The following TBCEL variants were observed in gnomAD, a reference collection of about 807,000 sequenced individuals.
TBCEL encodes the protein tubulin-specific chaperone cofactor E-like protein.
In TBCEL, 15 loss-of-function variants were observed where a neutral mutation model predicts 44.2. The observed-to-expected ratio is 0.34, with a 90% CI of 0.23 to 0.52. TBCEL has a LOEUF of 0.52. Among genes scored for constraint, TBCEL ranks in the 20% least tolerant of loss-of-function variants. TBCEL has a pLI of 0.95. For synonymous variants in TBCEL, 171 were observed against 185.4 expected, an observed-to-expected ratio of 0.92 and a Z score of 0.63; for missense variants, 319 against 506.3, an observed-to-expected ratio of 0.63 and a Z score of 3.55.
intron 8 of TBCEL, among the ~76,000 whole-genome samples, chr11:121,064,977 C>T (rs1022952539): frequency 6.6e-6 from 1 of 152,110 alleles, no homozygotes; most frequent in Non-Finnish European, 1.5e-5. Context: ...AGGCGCCCGC[C>T]ACCACGCCCA....
At chr11:121,084,468 C>T (rs749709304) in intron 8 of TBCEL, among the ~76,000 whole-genome samples, 27 of 152,016 alleles carry the variant, frequency 1.8e-4, no homozygotes, top group Non-Finnish European at 2.9e-4. Flanking sequence ...CTGCCTCTGT[C>T]TTTTACTTAT....
intron 1 of TBCEL, among the ~76,000 whole-genome samples, chr11:121,033,687 C>T (rs1215530627): frequency 6.6e-6 from 1 of 151,972 alleles, no homozygotes; most frequent in Non-Finnish European, 1.5e-5. Flanking sequence ...TCATTTTAAC[C>T]GTTTTGTAGT....
chr11:121,085,564 T>C (rs1162841037), intron 8 of TBCEL, among the ~76,000 whole-genome samples: 1 of 152,236 alleles, frequency 6.6e-6, no homozygotes, highest in Non-Finnish European at 1.5e-5. Context: ...CAGCTAATTA[T>C]AAAATGGAGT....
At position 121,087,180 on chromosome 11, in the gene TBCEL, A is replaced by G; in HGVS notation, c.*84A>G. On this transcript the variant is annotated 3_prime_UTR_variant, in exon 9 of 9. Coordinates refer to ENST00000683345, the MANE Select transcript of TBCEL (RefSeq NM_001363644.2). ...TAATGTGGTTTTCTTTAGGAGGGAG[A>G]GGTTGTTTTTGTTTTGTTTTGTTCT... 7.4e-7 allele frequency: 1 copy of G among 1,352,752 alleles called. No individual in the cohort carries two copies. Among genetic ancestry groups the G allele is most frequent in the Non-Finnish European group, 1.0e-6 (1 of 995,448 alleles). The allele number at this position is 1,352,752 out of a possible 1,614,324, so 83.8% of individuals were successfully genotyped here. A position where few individuals can be genotyped will look rare whatever the true frequency, so the allele number is the denominator to read the frequency against.
At chr11:121,069,979 A>G (rs1945896889) in intron 8 of TBCEL, among the ~76,000 whole-genome samples, 3 of 152,194 alleles carry the variant, frequency 2.0e-5, no homozygotes, top group Admixed American at 6.5e-5. Context: ...TTTGGTTTGT[A>G]TATAGAAGAA....
At position 121,086,848 on chromosome 11, in the gene TBCEL, A is replaced by G; in HGVS notation, c.1027A>G (p.Ser343Gly). 6.2e-7 allele frequency: 1 copy of G among 1,614,078 alleles called. No homozygotes were observed. Among genetic ancestry groups the G allele is most frequent in the Non-Finnish European group, 8.5e-7 (1 of 1,179,972 alleles). ...AGAAGTGGACCTAAGACCCCAGAGCAGTGCAAAAGTAGAAGTCCACTTTAA... is the reference window on the plus strand; with the variant it reads ...AGAAGTGGACCTAAGACCCCAGAGCGGTGCAAAAGTAGAAGTCCACTTTAA... The part of the protein sequence containing the change: ...LAEVDLRPQS[S>G]AKVEVHFNDQ... The change falls in exon 9 of 9, where the codon AGT becomes GGT. Residue 343 changes from serine to glycine, a missense_variant. Physicochemically the swap from Ser to Gly is moderately conservative, Grantham distance 56. Transcript: ENST00000683345.
At chr11:121,025,610 A>C (rs1260639926) in intron 1 of TBCEL, among the ~76,000 whole-genome samples, 1 of 152,192 alleles carries the variant, frequency 6.6e-6, no homozygotes, top group African/African-American at 2.4e-5. Flanking sequence ...TGTGGGTCAC[A>C]ACTTGCAGTT....
intron 1 of TBCEL, among the ~76,000 whole-genome samples, chr11:121,024,503 T>G (rs1945009083): frequency 7.0e-6 from 1 of 143,594 alleles, no homozygotes; most frequent in Admixed American, 7.0e-5. Context: ...TGGCCTGGGC[T>G]ATGGCGGAGC....
chr11:121,040,448 C>T (rs1031807875), intron 2 of TBCEL, among the ~76,000 whole-genome samples: 12 of 152,128 alleles, frequency 7.9e-5, no homozygotes, highest in Non-Finnish European at 1.5e-4. Flanking sequence ...AAGGGCAGAA[C>T]GCTGCTGTGG....
intron 8 of TBCEL, among the ~76,000 whole-genome samples, chr11:121,061,877 T>C (rs1945730148): frequency 6.6e-6 from 1 of 152,036 alleles, no homozygotes; most frequent in Admixed American, 6.6e-5. Context: ...TTTATACAAT[T>C]TTTTTCTTTC....
At chr11:121,043,904 T>C (rs1945380021) in intron 2 of TBCEL, among the ~76,000 whole-genome samples, 1 of 152,116 alleles carries the variant, frequency 6.6e-6, no homozygotes. Context: ...AACTCCAGAT[T>C]GTTTCCCTGG....
chr11:121,059,929 G>A (rs1242644132), intron 7 of TBCEL, 40 bp from the exon 8 acceptor site: 2 of 1,378,970 alleles, frequency 1.5e-6, no homozygotes, highest in African/African-American at 1.4e-5. Context: ...AAATATATTA[G>A]TATCTTAAAA....
chr11:121,087,130 G>C lies in TBCEL; in HGVS notation c.*34G>C. On this transcript the variant is annotated 3_prime_UTR_variant, in exon 9 of 9. Coordinates refer to ENST00000683345, the MANE Select transcript of TBCEL (RefSeq NM_001363644.2). ...AGCCTTGTGAAAAACATACACATAAGGACTTGTTGCAGGGCATTTGTTTTT... is the reference window on the plus strand; with the variant it reads ...AGCCTTGTGAAAAACATACACATAACGACTTGTTGCAGGGCATTTGTTTTT... The C allele has an allele frequency of 6.4e-7, 1 of 1,569,706 alleles. No individual in the cohort carries two copies. Among genetic ancestry groups the C allele is most frequent in the East Asian group, 2.2e-5 (1 of 44,534 alleles).
intron 1 of TBCEL, among the ~76,000 whole-genome samples, chr11:121,033,606 A>G (rs1344438319): frequency 6.6e-6 from 1 of 152,184 alleles, no homozygotes. Context: ...TTTTTTATAT[A>G]GCATACACTA....
chr11:121,028,471 T>C (rs1017890539), intron 1 of TBCEL, among the ~76,000 whole-genome samples: 2 of 152,240 alleles, frequency 1.3e-5, no homozygotes, highest in Non-Finnish European at 2.9e-5. Context: ...TTTTAGGGCC[T>C]TGAAGTCAGC....
chr11:121,073,193 A>G (rs945066751), intron 8 of TBCEL, among the ~76,000 whole-genome samples: 1 of 152,070 alleles, frequency 6.6e-6, no homozygotes, highest in South Asian at 2.1e-4. Context: ...TCCTGTTGTA[A>G]TTTGGATTTT....
chr11:121,046,670 C>T (rs1945436101), intron 3 of TBCEL, among the ~76,000 whole-genome samples: 1 of 151,858 alleles, frequency 6.6e-6, no homozygotes, highest in Non-Finnish European at 1.5e-5. Flanking sequence ...TTTGAGGTCT[C>T]CATTAATAAA....
At chr11:121,029,596 C>G (rs1455511350) in intron 1 of TBCEL, among the ~76,000 whole-genome samples, 1 of 152,222 alleles carries the variant, frequency 6.6e-6, no homozygotes, top group Non-Finnish European at 1.5e-5. Context: ...TCACAGTGCT[C>G]TTCTAAAAAT....
At chr11:121,066,924 A>G (rs1287450516) in intron 8 of TBCEL, among the ~76,000 whole-genome samples, 1 of 152,186 alleles carries the variant, frequency 6.6e-6, no homozygotes, top group Non-Finnish European at 1.5e-5. Flanking sequence ...AAAGAAAAAC[A>G]TTCTTTTTCA....
Sources: allele counts gnomAD v4.1 joint callset (sites outside exome capture counted in the v4.1 genomes callset), GRCh38; gene constraint gnomAD v4.1.1; transcripts MANE v1.5; gene names NCBI Gene and HGNC (gene_info 2026-07-23, HGNC 2026-07-21).